The following ZNF248 variants were observed in gnomAD, a reference collection of about 807,000 sequenced individuals.
ZNF248 encodes the protein KRAB protein domain.
A neutral mutation model predicts 44.3 loss-of-function variants in ZNF248; 20 were observed. The observed-to-expected ratio is 0.45, with a 90% CI of 0.32 to 0.66. The LOEUF (loss-of-function observed/expected upper bound fraction) is 0.66, where lower values mean the gene tolerates loss of function less well. Among genes scored for constraint, ZNF248 ranks in the 30% least tolerant of loss-of-function variants. ZNF248 has a pLI of 0.04. For missense variants in ZNF248, 654 were observed against 677.0 expected (o/e 0.97, Z 0.38); for synonymous variants, 224 against 229.0 (o/e 0.98, Z 0.20).
downstream of ZNF248, among the ~76,000 whole-genome samples, chr10:37,772,028 A>G (rs2046264737): frequency 6.6e-6 from 1 of 152,168 alleles, no homozygotes; most frequent in Non-Finnish European, 1.5e-5. Flanking sequence ...GTACTTTGGG[A>G]GGCCAAGGCA....
At chr10:37,819,785 G>C (rs2053154826) in intron 6 of ZNF248, 8 of 781,868 alleles carry the variant, frequency 1.0e-5, no homozygotes, top group Non-Finnish European at 1.2e-5. Flanking sequence ...CTGCTCACTG[G>C]TTGCAGGAGG....
the ZNF248 span, among the ~76,000 whole-genome samples, chr10:37,762,736 G>A: frequency 6.6e-6 from 1 of 152,114 alleles, no homozygotes; most frequent in East Asian, 1.9e-4. Flanking sequence ...TAGTTCCTGG[G>A]TTACATACAA....
chr10:37,809,885 G>A (rs2051214301), intron 6 of ZNF248, among the ~76,000 whole-genome samples: 1 of 151,932 alleles, frequency 6.6e-6, no homozygotes, highest in African/African-American at 2.4e-5. Flanking sequence ...ATACTGTTGT[G>A]GTCGTAGAAT....
chr10:37,856,622 T>C (rs778255224), intron 1 of ZNF248, 90 bp from the exon 2 acceptor site: 16 of 1,053,270 alleles, frequency 1.5e-5, no homozygotes, highest in Non-Finnish European at 1.8e-5. Context: ...TTTGTCAAAA[T>C]TCCTTGTAGG....
At chr10:37,796,022 T>G (rs2049111766) in intron 6 of ZNF248, 1 of 152,174 alleles carries the variant, frequency 6.6e-6, no homozygotes. Context: ...CAATTGCACT[T>G]AAATGTGGCT....
At chr10:37,791,939 G>A (rs1181320398) in intron 6 of ZNF248, 1 of 152,186 alleles carries the variant, frequency 6.6e-6, no homozygotes, top group African/African-American at 2.4e-5. Context: ...TCTCCCACAG[G>A]ATGATACCAA....
rs753510051 is a variant in ZNF248 at position 37,831,598 on chromosome 10, A to G, written c.*17T>C. 2 of 1,607,982 alleles carry G rather than the reference A, an allele frequency of 1.2e-6. No homozygotes were observed. The highest frequency in any genetic ancestry group is 2.2e-5 in the South Asian group (2 of 90,732). ...ACTGTATAACCAATTTCACAAGTGT[A>G]TGAAGGCTTCTAACATTCAGGATGT... is the stretch of plus-strand genomic sequence containing the variant. On this transcript the variant is annotated 3_prime_UTR_variant, in exon 6 of 6. Transcript: ENST00000395867.
the ZNF248 span, among the ~76,000 whole-genome samples, chr10:37,761,588 T>C: frequency 2.4e-3 from 371 of 152,350 alleles, 1 homozygote; most frequent in African/African-American, 8.5e-3. Flanking sequence ...AAAAGTGCAA[T>C]GAAGCAGAGC....
intron 6 of ZNF248, among the ~76,000 whole-genome samples, chr10:37,811,671 C>CAA (rs367773211): frequency 3.0e-5 from 4 of 132,872 alleles, no homozygotes; most frequent in Admixed American, 7.9e-5. Flanking sequence ...CCTGTCTCTA[C>CAA]AAAAAAAAAA....
chr10:37,801,664 T>C (rs2049855023), intron 6 of ZNF248, among the ~76,000 whole-genome samples: 1 of 152,162 alleles, frequency 6.6e-6, no homozygotes, highest in African/African-American at 2.4e-5. Context: ...TCATTAGTAA[T>C]CTGAAAAATG....
intron 6 of ZNF248, chr10:37,821,060 C>T (rs1039020193): frequency 1.7e-5 from 14 of 843,566 alleles, no homozygotes; most frequent in Middle Eastern, 7.1e-4. Context: ...ATCAGTTATG[C>T]TCACTTCACT....
chr10:37,758,637 C>T, the ZNF248 span, among the ~76,000 whole-genome samples: 2 of 152,218 alleles, frequency 1.3e-5, no homozygotes, highest in Non-Finnish European at 2.9e-5. Context: ...TCCCCTATAT[C>T]TTTAAACTAA....
At chr10:37,775,840 T>C (rs558335302), downstream of ZNF248, among the ~76,000 whole-genome samples, 103 of 152,240 alleles carry the variant, frequency 6.8e-4, 1 homozygote, top group South Asian at 1.9e-3. Flanking sequence ...TGGGGAAAGA[T>C]CTGTTTTAAG....
chr10:37,817,853 G>T (rs1392258537), intron 6 of ZNF248, among the ~76,000 whole-genome samples: 1 of 152,046 alleles, frequency 6.6e-6, no homozygotes, highest in Non-Finnish European at 1.5e-5. Flanking sequence ...TTTATTAAAA[G>T]AACAAGTCTA....
At chr10:37,820,791 T>C in intron 6 of ZNF248, 1 of 1,174,340 alleles carries the variant, frequency 8.5e-7, no homozygotes. Context: ...TGTACTCTCC[T>C]TCATTTTGCC....
intron 3 of ZNF248, among the ~76,000 whole-genome samples, chr10:37,842,154 T>A (rs746120841): frequency 1.3e-5 from 2 of 152,228 alleles, no homozygotes; most frequent in Non-Finnish European, 2.9e-5. Context: ...TTTGTACTAC[T>A]GTCTTCACAA....
intron 5 of ZNF248, among the ~76,000 whole-genome samples, chr10:37,835,655 G>A (rs925814523): frequency 1.3e-5 from 2 of 152,128 alleles, no homozygotes; most frequent in Admixed American, 1.3e-4. Flanking sequence ...GAGAGAGAAA[G>A]AGCAAGAGGA....
At chr10:37,796,697 C>CT (rs200137373) in intron 6 of ZNF248, among the ~76,000 whole-genome samples, 1,991 of 141,554 alleles carry the variant, frequency 0.014, 16 homozygotes, top group Middle Eastern at 0.022. Context: ...TCTAGGTTAC[C>CT]TTTTTTTTTT....
intron 6 of ZNF248, among the ~76,000 whole-genome samples, chr10:37,822,257 T>C (rs575799672): frequency 1.3e-5 from 2 of 152,128 alleles, no homozygotes; most frequent in Non-Finnish European, 2.9e-5. Context: ...CATAGAAAGC[T>C]ACCACAAACT....
Sources: allele counts gnomAD v4.1 joint callset (sites outside exome capture counted in the v4.1 genomes callset), GRCh38; gene constraint gnomAD v4.1.1; transcripts MANE v1.5; gene names NCBI Gene and HGNC (gene_info 2026-07-23, HGNC 2026-07-21).